Variants in ZBBX observed in about 807,000 individuals in gnomAD.
ZBBX encodes the protein zinc finger B-box domain-containing protein 1.
A neutral mutation model predicts 108.5 loss-of-function variants in ZBBX; 101 were observed. The observed-to-expected ratio is 0.93, with a 90% confidence interval of 0.79 to 1.10. The LOEUF (loss-of-function observed/expected upper bound fraction) is 1.10, where lower values mean the gene tolerates loss of function less well. Ranked by LOEUF, ZBBX falls within the 50% of genes least tolerant of loss-of-function variation. The probability of loss-of-function intolerance (pLI) is 0.00; values close to 1 mark genes in which losing one functional copy is unlikely to be tolerated. For missense variants in ZBBX, 1,009 were observed against 941.4 expected, an observed-to-expected ratio of 1.07 and a Z score of -0.94; for synonymous variants, 356 against 323.4, an observed-to-expected ratio of 1.10 and a Z score of -1.08.
At chr3:167,266,438 C>T (rs901293240) in intron 20 of ZBBX, among the ~76,000 whole-genome samples, 2 of 152,180 alleles carry the variant, frequency 1.3e-5, no homozygotes, top group Non-Finnish European at 2.9e-5. Flanking sequence ...CCCTTCCCGT[C>T]AGTTCTAATC....
intron 11 of ZBBX, among the ~76,000 whole-genome samples, chr3:167,325,330 A>C (rs1216160198): frequency 6.6e-6 from 1 of 152,140 alleles, no homozygotes; most frequent in East Asian, 1.9e-4. Flanking sequence ...ACAAAGGAAG[A>C]GCAAAGAGAC....
chr3:167,352,679 T>TA (rs1742860751), intron 8 of ZBBX, among the ~76,000 whole-genome samples: 2 of 145,886 alleles, frequency 1.4e-5, no homozygotes, highest in South Asian at 4.3e-4. Context: ...CAATAAAACT[T>TA]AAGAGTCCAA....
intron 6 of ZBBX, among the ~76,000 whole-genome samples, chr3:167,364,693 C>T (rs1235382113): frequency 6.6e-6 from 1 of 151,916 alleles, no homozygotes; most frequent in Admixed American, 6.6e-5. Context: ...ACTTATTGAG[C>T]TTATTGAGTG....
intron 12 of ZBBX, among the ~76,000 whole-genome samples, chr3:167,321,246 T>G (rs1269404973): frequency 6.6e-6 from 1 of 151,994 alleles, no homozygotes; most frequent in African/African-American, 2.4e-5. Flanking sequence ...GGTGCGGGTA[T>G]TAACCTATCT....
At chr3:167,346,586 A>G (rs1473320485) in intron 9 of ZBBX, among the ~76,000 whole-genome samples, 1 of 151,922 alleles carries the variant, frequency 6.6e-6, no homozygotes, top group Non-Finnish European at 1.5e-5. Flanking sequence ...AGCCTAGAAT[A>G]CTTGCTTTTT....
At chr3:167,191,896 C>CATACAT in the ZBBX span, among the ~76,000 whole-genome samples, 2 of 67,950 alleles carry the variant, frequency 2.9e-5, no homozygotes, top group African/African-American at 1.3e-4. Context: ...TTACAAAAAT[C>CATACAT]ATATATATAT....
chr3:167,288,480 C>T (rs1002668022), intron 19 of ZBBX, among the ~76,000 whole-genome samples: 4 of 152,064 alleles, frequency 2.6e-5, no homozygotes, highest in Admixed American at 2.6e-4. Context: ...ACATATGGCT[C>T]TGTCTGATCA....
At chr3:167,207,394 C>T in the ZBBX span, among the ~76,000 whole-genome samples, 1 of 152,140 alleles carries the variant, frequency 6.6e-6, no homozygotes, top group East Asian at 1.9e-4. Flanking sequence ...TGGTCCCCTC[C>T]ACTTGAAATA....
chr3:167,254,204 A>C (rs976829867), intron 20 of ZBBX, among the ~76,000 whole-genome samples: 3 of 152,164 alleles, frequency 2.0e-5, no homozygotes, highest in African/African-American at 7.2e-5. Context: ...TTTTTTTGTA[A>C]AGTGTTACAA....
chr3:167,330,865 GAGGAGGAGAAGAAGAAGAAGA>G (rs1245072962), intron 10 of ZBBX, among the ~76,000 whole-genome samples: 1 of 21,822 alleles, frequency 4.6e-5, no homozygotes, highest in Admixed American at 6.2e-4. Context: ...GGAGGAGGAG[GAGGAGGAGAAGAAGAAGAAGA>G]AGAAGAAGAA....
intron 17 of ZBBX, among the ~76,000 whole-genome samples, chr3:167,303,425 A>G (rs1430197178): frequency 3.3e-5 from 5 of 152,110 alleles, no homozygotes; most frequent in Admixed American, 1.3e-4. Flanking sequence ...ATAATTCTCA[A>G]ATTGGGCATT....
At chr3:167,253,290 A>T (rs975680307) in intron 20 of ZBBX, among the ~76,000 whole-genome samples, 3 of 152,200 alleles carry the variant, frequency 2.0e-5, no homozygotes, top group Admixed American at 2.0e-4. Context: ...AGAGACAGTC[A>T]TAAAAAGAAC....
chr3:167,261,405 C>A (rs1215260285), intron 20 of ZBBX, among the ~76,000 whole-genome samples: 1 of 150,892 alleles, frequency 6.6e-6, no homozygotes, highest in Non-Finnish European at 1.5e-5. Context: ...AGATTATATG[C>A]CATTTGTCTT....
At chr3:167,231,817 A>G in the ZBBX span, among the ~76,000 whole-genome samples, 1 of 151,798 alleles carries the variant, frequency 6.6e-6, no homozygotes, top group Non-Finnish European at 1.5e-5. Flanking sequence ...TAGATGTTTA[A>G]CCTGAATTTA....
chr3:167,340,139 C>T (rs970141540), intron 9 of ZBBX, among the ~76,000 whole-genome samples: 1 of 152,050 alleles, frequency 6.6e-6, no homozygotes, highest in African/African-American at 2.4e-5. Context: ...TCTATTTACA[C>T]ATTACATGGA....
In ZBBX at chr3:167,317,050, G is replaced by T. The variant is rs1373806147; in HGVS notation, c.1149C>A (p.Asn383Lys). ...TTAGAGATGGTTCAGGTCTCTCTAT[G>T]TTTAATGTTTCTACTGGCAATAAAA... ...TALLLPVETLNIERPEPSLKI... is the reference protein window; with the variant it reads ...TALLLPVETLKIERPEPSLKI... Residue 383 changes from asparagine to lysine, a missense_variant, in exon 14 of 22, where the codon AAC (asparagine) becomes AAA (lysine). Transcript: ENST00000675490. The T allele has an allele frequency of 1.2e-6, 2 of 1,610,508 alleles. No individual in the cohort carries two copies. Among genetic ancestry groups the T allele is most frequent in the African/African-American group, 2.7e-5 (2 of 74,760 alleles).
At chr3:167,328,262 T>TA in intron 10 of ZBBX, 146 bp from the exon 11 acceptor site, 1 of 827,378 alleles carries the variant, frequency 1.2e-6, no homozygotes, top group Non-Finnish European at 1.8e-6. Context: ...ACTTAGAATA[T>TA]TTTTAAGTTG....
At chr3:167,320,395 T>A (rs1297724279) in intron 12 of ZBBX, among the ~76,000 whole-genome samples, 1 of 151,864 alleles carries the variant, frequency 6.6e-6, no homozygotes, top group African/African-American at 2.4e-5. Flanking sequence ...TAAATATTCA[T>A]GAGTTGACAT....
chr3:167,346,365 G>C (rs1239089893), intron 9 of ZBBX, among the ~76,000 whole-genome samples: 1 of 151,788 alleles, frequency 6.6e-6, no homozygotes, highest in Admixed American at 6.6e-5. Context: ...TACAACACTA[G>C]TCAACATGTA....
Sources: allele counts gnomAD v4.1 joint callset (sites outside exome capture counted in the v4.1 genomes callset), GRCh38; gene constraint gnomAD v4.1.1; transcripts MANE v1.5; gene names NCBI Gene and HGNC (gene_info 2026-07-23, HGNC 2026-07-21).